YAP1: variants seen among roughly 807,000 people sequenced by gnomAD.
YAP1 encodes the protein Yes1 associated transcriptional regulator, also known as transcriptional coactivator YAP1.
In YAP1, 5 loss-of-function variants were observed where a neutral mutation model predicts 56.9. The observed-to-expected ratio is 0.09, with a 90% CI of 0.05 to 0.18. The LOEUF (loss-of-function observed/expected upper bound fraction) is 0.18. Ranked by LOEUF, YAP1 falls within the 10% of genes least tolerant of loss-of-function variation. The pLI is 1.00. For missense variants in YAP1, 539 were observed against 651.8 expected, an observed-to-expected ratio of 0.83 and a Z score of 1.88; for synonymous variants, 265 against 248.1, an observed-to-expected ratio of 1.07 and a Z score of -0.64.
chr11:102,129,948 A>G (rs905710257), intron 2 of YAP1, among the ~76,000 whole-genome samples: 5 of 151,996 alleles, frequency 3.3e-5, no homozygotes, highest in Middle Eastern at 3.4e-3. Flanking sequence ...AGCTGGGATT[A>G]CAGGCATGCA....
At chr11:102,122,895 C>CAAAAAAAAAAAAAAAAAAAAAAAAAA (rs56934997) in intron 2 of YAP1, among the ~76,000 whole-genome samples, 3 of 79,448 alleles carry the variant, frequency 3.8e-5, no homozygotes, top group African/African-American at 4.7e-5. Flanking sequence ...AGACTTCTCT[C>CAAAAAAAAAAAAAAAAAAAAAAAAAA]AAAAAAAAAA....
intron 6 of YAP1, among the ~76,000 whole-genome samples, chr11:102,219,285 G>A (rs1204134406): frequency 6.6e-6 from 1 of 152,062 alleles, no homozygotes; most frequent in East Asian, 1.9e-4. Context: ...GTTGTTTTAT[G>A]CTCCAGAGTA....
intron 2 of YAP1, among the ~76,000 whole-genome samples, chr11:102,148,263 T>G (rs1945431946): frequency 1.3e-5 from 2 of 152,200 alleles, no homozygotes; most frequent in Admixed American, 1.3e-4. Context: ...AACATCTGAC[T>G]TGTCTATAAA....
chr11:102,125,484 C>A (rs1943980257), intron 2 of YAP1, among the ~76,000 whole-genome samples: 1 of 149,840 alleles, frequency 6.7e-6, no homozygotes, highest in Admixed American at 6.7e-5. Flanking sequence ...TCAAGTGATT[C>A]TCCTGCTTCA....
At chr11:102,116,404 A>G (rs140037109) in intron 2 of YAP1, among the ~76,000 whole-genome samples, 47 of 152,302 alleles carry the variant, frequency 3.1e-4, no homozygotes, top group African/African-American at 9.4e-4. Flanking sequence ...CCTGGAACCA[A>G]TCCTTGACCA....
intron 2 of YAP1, among the ~76,000 whole-genome samples, chr11:102,142,404 T>G (rs1945073815): frequency 6.6e-6 from 1 of 152,244 alleles, no homozygotes; most frequent in Non-Finnish European, 1.5e-5. Context: ...TCTGTCAAAC[T>G]GTGGAAAAGA....
intron 2 of YAP1, among the ~76,000 whole-genome samples, chr11:102,150,857 T>C (rs1199191717): frequency 5.1e-5 from 7 of 136,906 alleles, no homozygotes; most frequent in African/African-American, 1.8e-4. Context: ...CTGGAGTGCA[T>C]TGGCATAATC....
intron 1 of YAP1, chr11:102,112,422 C>CTTCTTTTTTTTTTTTTTTTTTTTTTT (rs1565414308): frequency 1.1e-6 from 1 of 894,414 alleles, no homozygotes; most frequent in African/African-American, 2.3e-5. Context: ...TTTATTTCTT[C>CTTCTTTTTTTTTTTTTTTTTTTTTTT]TTCTTTTTTT....
intron 2 of YAP1, among the ~76,000 whole-genome samples, chr11:102,151,355 C>G (rs1327923323): frequency 6.6e-6 from 1 of 152,100 alleles, no homozygotes; most frequent in Non-Finnish European, 1.5e-5. Flanking sequence ...TTCCCCTTGC[C>G]TCTCTTTCAA....
At chr11:102,128,313 G>A (rs1396390721) in intron 2 of YAP1, among the ~76,000 whole-genome samples, 1 of 152,098 alleles carries the variant, frequency 6.6e-6, no homozygotes, top group East Asian at 1.9e-4. Context: ...ATTGAATTAT[G>A]GGGTCTAGTC....
intron 3 of YAP1, among the ~76,000 whole-genome samples, chr11:102,163,532 CCCA>C (rs1946421437): frequency 6.6e-6 from 1 of 152,154 alleles, no homozygotes; most frequent in African/African-American, 2.4e-5. Context: ...TCCCCTGGCC[CCCA>C]CGCTTTACCC....
In YAP1 at chr11:102,223,716, C is replaced by T. The variant is rs139117409; in HGVS notation, c.1127C>T (p.Thr376Ile). ...CCCGGGATGTCTCAGGAATTGAGAACAATGACGACCAATAGCTCAGATCCT... is the reference window on the plus strand; with the variant it reads ...CCCGGGATGTCTCAGGAATTGAGAATAATGACGACCAATAGCTCAGATCCT... ...SSPGMSQELR[T>I]MTTNSSDPFL... Residue 376 changes from threonine to isoleucine, a missense_variant, in exon 7 of 9, where the codon ACA (threonine) becomes ATA (isoleucine). Thr to Ile is a moderately conservative substitution (Grantham distance 89). Around this residue, in one of 4 missense-constraint regions of YAP1, gnomAD observed 414 missense variants for 512.4 expected, o/e 0.81. Coordinates refer to ENST00000282441, the MANE Select transcript of YAP1 (RefSeq NM_001130145.3). 8 of 1,613,988 alleles carry T rather than the reference C, an allele frequency of 5.0e-6. No individual in the cohort carries two copies. The African/African-American group carries it at 5.3e-5, about 11-fold the overall frequency.
At position 102,205,991 on chromosome 11, in the gene YAP1, A is replaced by C. The variant is rs946455650; in HGVS notation, c.901A>C (p.Asn301His). Residue 301 changes from asparagine (N) to histidine (H), a missense_variant, in exon 5 of 9, where the codon AAC (asparagine) becomes CAC (histidine). Coordinates refer to ENST00000282441, the MANE Select transcript of YAP1 (RefSeq NM_001130145.3). ...AGGCGTCATGGGTGGCAGCAACTCC[A>C]ACCAGCAGCAACAGATGCGACTGCA... ...QGGVMGGSNS[N>H]QQQQMRLQQL... 9.3e-6 allele frequency: 15 copies of C among 1,613,824 alleles called. No individual in the cohort carries two copies. Among genetic ancestry groups the C allele is most frequent in the Non-Finnish European group, 1.3e-5 (15 of 1,179,996 alleles).
intron 4 of YAP1, among the ~76,000 whole-genome samples, chr11:102,187,327 C>T (rs775623656): frequency 1.1e-4 from 17 of 151,350 alleles, no homozygotes; most frequent in Admixed American, 3.3e-4. Flanking sequence ...ACCGGTTTGG[C>T]TTAAATACTG....
intron 3 of YAP1, among the ~76,000 whole-genome samples, chr11:102,175,409 CTT>C (rs1308292037): frequency 6.6e-6 from 1 of 152,050 alleles, no homozygotes; most frequent in Non-Finnish European, 1.5e-5. Flanking sequence ...CAAAAAAAAA[CTT>C]ATTTCTTTTA....
intron 4 of YAP1, among the ~76,000 whole-genome samples, chr11:102,204,313 GTAAC>G (rs372838822): frequency 7.2e-4 from 110 of 152,066 alleles, no homozygotes; most frequent in African/African-American, 2.6e-3. Context: ...GCCTCAGTGA[GTAAC>G]TACTCAACTT....
chr11:102,120,369 T>C (rs1489931370), intron 2 of YAP1, among the ~76,000 whole-genome samples: 1 of 152,256 alleles, frequency 6.6e-6, no homozygotes. Flanking sequence ...AGAATCATAA[T>C]TTTTAAACAC....
chr11:102,191,358 C>CTT (rs796816309), intron 4 of YAP1, among the ~76,000 whole-genome samples: 14 of 141,612 alleles, frequency 9.9e-5, no homozygotes, highest in African/African-American at 3.1e-4. Flanking sequence ...ACCACCAACA[C>CTT]TTTTTTTTTT....
At chr11:102,214,130 G>A (rs1018378612) in intron 6 of YAP1, among the ~76,000 whole-genome samples, 1 of 152,080 alleles carries the variant, frequency 6.6e-6, no homozygotes, top group Non-Finnish European at 1.5e-5. Context: ...AAACAACACT[G>A]CTGTATAAAG....
Sources: allele counts gnomAD v4.1 joint callset (sites outside exome capture counted in the v4.1 genomes callset), GRCh38; gene constraint gnomAD v4.1.1; regional missense constraint gnomAD v4.1.1; transcripts MANE v1.5; gene names NCBI Gene and HGNC (gene_info 2026-07-23, HGNC 2026-07-21).